SLC39A6: variants seen among roughly 807,000 people sequenced by gnomAD.
SLC39A6 encodes solute carrier family 39 member 6.
A neutral mutation model predicts 63.5 loss-of-function variants in SLC39A6; 51 were observed. That is an observed-to-expected ratio of 0.80 (90% CI 0.64 to 1.01). The LOEUF is 1.01. Ranked by LOEUF, SLC39A6 falls within the 50% of genes least tolerant of loss-of-function variation. The pLI, the probability that SLC39A6 is intolerant of heterozygous loss-of-function variation, is 0.00. For synonymous variants in SLC39A6, 318 were observed against 324.7 expected, an observed-to-expected ratio of 0.98 and a Z score of 0.22; for missense variants, 805 against 927.8, an observed-to-expected ratio of 0.87 and a Z score of 1.72.
At chr18:36,128,070 A>C (rs1217345864) in intron 1 of SLC39A6, among the ~76,000 whole-genome samples, 4 of 152,230 alleles carry the variant, frequency 2.6e-5, no homozygotes, top group Non-Finnish European at 5.9e-5. Flanking sequence ...TCAACATTTA[A>C]TCACAGGCTG....
At chr18:36,125,039 A>G (rs2089424850) in intron 2 of SLC39A6, among the ~76,000 whole-genome samples, 1 of 152,192 alleles carries the variant, frequency 6.6e-6, no homozygotes, top group Admixed American at 6.5e-5. Context: ...TAATTTCAAA[A>G]TGGGGCTCAT....
At chr18:36,122,435 C>G (rs945847708) in intron 4 of SLC39A6, among the ~76,000 whole-genome samples, 165 bp from the exon 5 acceptor site, 5 of 152,184 alleles carry the variant, frequency 3.3e-5, no homozygotes, top group African/African-American at 1.2e-4. Flanking sequence ...GACCAATGAG[C>G]AGCTAGCTAT....
chr18:36,126,156 T>C (rs888444935), intron 2 of SLC39A6, 63 bp downstream of exon 2: 18 of 1,406,298 alleles, frequency 1.3e-5, no homozygotes, highest in Middle Eastern at 1.8e-4. Context: ...TAACTAGAGA[T>C]AGAGTAGCAG....
In SLC39A6 at chr18:36,126,423, G is replaced by A. The variant is rs1304378451; in HGVS notation, c.585C>T (p.Val195=). 1 of 1,614,112 alleles carries A rather than the reference G, an allele frequency of 6.2e-7. No homozygotes were observed. The highest frequency in any genetic ancestry group is 2.2e-5 in the East Asian group (1 of 44,900). ...SEVTSTVYNT[V]SEGTHFLETI... Reference sequence around the variant, plus strand: ...TCTCTAGAAAGTGAGTTCCTTCAGAGACAGTGTTGTACACAGTTGAGGTCA... The same window carrying A: ...TCTCTAGAAAGTGAGTTCCTTCAGAAACAGTGTTGTACACAGTTGAGGTCA... The change falls in exon 2 of 10, where the codon GTC becomes GTT. Residue 195 remains valine, a synonymous_variant. Coordinates refer to ENST00000269187, the MANE Select transcript of SLC39A6 (RefSeq NM_012319.4).
intron 5 of SLC39A6, among the ~76,000 whole-genome samples, chr18:36,119,474 T>C (rs904892658): frequency 6.6e-6 from 1 of 152,176 alleles, no homozygotes; most frequent in Non-Finnish European, 1.5e-5. Flanking sequence ...TTCTAGTAGA[T>C]ACTATTTTAA....
chr18:36,126,724 T>C lies in SLC39A6; in HGVS notation c.284A>G (p.Asp95Gly). The change falls in exon 2 of 10, where the codon GAC becomes GGC. Residue 95 changes from aspartate (D) to glycine (G), a missense_variant. By Grantham distance (94) the Asp-to-Gly change is moderately conservative. Coordinates refer to ENST00000269187, the MANE Select transcript of SLC39A6 (RefSeq NM_012319.4). ...CTCGTGGTCTGAGTGATGGTCGTGG[T>C]CATGGTGTATATGGATTCTTTTAAT... Reference protein sequence around the residue: ...DKIKRIHIHHDHDHHSDHEHH... With the variant: ...DKIKRIHIHHGHDHHSDHEHH... 1 of 1,614,174 alleles carries C rather than the reference T, an allele frequency of 6.2e-7. No homozygotes were observed. The highest frequency in any genetic ancestry group is 1.3e-5 in the African/African-American group (1 of 75,074).
Position 36,114,473 on chromosome 18 carries a change from T to C in SLC39A6, c.1467A>G (p.Arg489=). The C allele has an allele frequency of 1.2e-6, 2 of 1,606,564 alleles. No homozygotes were observed. Among genetic ancestry groups the C allele is most frequent in the Non-Finnish European group, 1.7e-6 (2 of 1,177,584 alleles). ...TNEEKVDTDD[R]TEGYLRADSQ... ...AGTCTGCTCGTAAATAGCCTTCAGTTCCTAGGAATAAACATAAAGGGCATG... is the reference window on the plus strand; with the variant it reads ...AGTCTGCTCGTAAATAGCCTTCAGTCCCTAGGAATAAACATAAAGGGCATG... The change falls in exon 7 of 10, where the codon CGA becomes CGG. Residue 489 remains arginine, a splice_region_variant and synonymous_variant. Coordinates refer to ENST00000269187, the MANE Select transcript of SLC39A6 (RefSeq NM_012319.4).
intron 1 of SLC39A6, 124 bp downstream of exon 1, chr18:36,128,990 C>G (rs927613954): frequency 6.6e-6 from 1 of 152,586 alleles, no homozygotes; most frequent in South Asian, 2.1e-4. Flanking sequence ...CATCCTCTTT[C>G]TGTAGCCCCC....
In SLC39A6 at chr18:36,126,393, T is replaced by TA. The variant is rs1567961828; in HGVS notation, c.614dup (p.Glu206ArgfsTer33). 6.2e-7 allele frequency: 1 copy of TA among 1,614,106 alleles called. No individual in the cohort carries two copies. Among genetic ancestry groups the TA allele is most frequent in the South Asian group, 1.1e-5 (1 of 91,084 alleles). On this transcript the variant is annotated frameshift_variant, in exon 2 of 10. Transcript: ENST00000269187. LOFTEE classifies it high-confidence loss of function. Reference sequence around the variant, plus strand: ...AGAGTTTTCCAGGTCTTGGAGTCTCTATTGTCTCTAGAAAGTGAGTTCCTT... The same window carrying TA: ...AGAGTTTTCCAGGTCTTGGAGTCTCTAATTGTCTCTAGAAAGTGAGTTCCTT...
intron 5 of SLC39A6, among the ~76,000 whole-genome samples, chr18:36,117,296 AC>A (rs1170871727): frequency 1.3e-5 from 2 of 152,204 alleles, no homozygotes; most frequent in African/African-American, 4.8e-5. Context: ...TGATCTGGTA[AC>A]CACCTGCCTG....
chr18:36,127,073 GA>G, intron 1 of SLC39A6, 57 bp from the exon 2 acceptor site: 2 of 1,415,874 alleles, frequency 1.4e-6, no homozygotes, highest in South Asian at 2.8e-5. Flanking sequence ...ATTGAATTAA[GA>G]AACCTCATAC....
intron 4 of SLC39A6, among the ~76,000 whole-genome samples, chr18:36,122,839 G>A (rs950025639): frequency 8.5e-5 from 13 of 152,170 alleles, no homozygotes; most frequent in Non-Finnish European, 1.6e-4. Context: ...AGGTATTCCC[G>A]AATGTCTGCC....
chr18:36,120,673 G>GGTA (rs1339603434), intron 5 of SLC39A6, among the ~76,000 whole-genome samples: 1 of 152,060 alleles, frequency 6.6e-6, no homozygotes, highest in Admixed American at 6.5e-5. Flanking sequence ...TTTTTTGGGG[G>GGTA]GTAGAGACAG....
At chr18:36,123,897 C>T (rs1243975262) in intron 3 of SLC39A6, among the ~76,000 whole-genome samples, 3 of 152,046 alleles carry the variant, frequency 2.0e-5, no homozygotes, top group South Asian at 2.1e-4. Context: ...AGGAGCATAG[C>T]TCTAATGGGA....
At chr18:36,125,146 C>A (rs767806461) in intron 2 of SLC39A6, among the ~76,000 whole-genome samples, 3 of 152,096 alleles carry the variant, frequency 2.0e-5, no homozygotes, top group Non-Finnish European at 2.9e-5. Context: ...ACTCTACTTG[C>A]AAAAACTCAG....
chr18:36,122,465 A>T lies in SLC39A6; in HGVS notation c.1141-195T>A, dbSNP rs189211891. Among the ~76,000 whole-genome samples the T allele has an allele frequency of 3.0e-4, 46 of 152,358 alleles. 1 individual carries two copies. Among genetic ancestry groups the T allele is most frequent in the Admixed American group, 2.8e-3 (43 of 15,306 alleles). Reference sequence around the variant, plus strand: ...AGCTATCTAGAACTTAATGCATGTCATGTACTTCAGATACATTCCCAGTGA... The same window carrying T: ...AGCTATCTAGAACTTAATGCATGTCTTGTACTTCAGATACATTCCCAGTGA... On this transcript the variant is annotated intron_variant, in intron 4 of 9. Transcript: ENST00000269187.
intron 6 of SLC39A6, 69 bp downstream of exon 6, chr18:36,116,605 G>C: frequency 9.3e-7 from 1 of 1,071,650 alleles, no homozygotes. Context: ...CTTCCAGATA[G>C]TCAAGTTGCC....
chr18:36,109,334 A>G lies in SLC39A6; in HGVS notation c.*259T>C. ...CATTTTTCCCTGAAACATACAGAAC[A>G]TGTCATGCCAAATCTCTTGTTTACA... On this transcript the variant is annotated 3_prime_UTR_variant, in exon 10 of 10. Coordinates refer to ENST00000269187, the MANE Select transcript of SLC39A6 (RefSeq NM_012319.4). The G allele has an allele frequency of 3.7e-6, 1 of 272,356 alleles. No individual in the cohort carries two copies. The highest frequency in any genetic ancestry group is 6.9e-6 in the Non-Finnish European group (1 of 145,244). 16.9% of individuals were successfully genotyped at this position (272,356 alleles called of 1,614,324 possible).
At position 36,125,284 on chromosome 18, in the gene SLC39A6, A is replaced by G. The variant is rs527786500; in HGVS notation, c.790-584T>C. Reference sequence around the variant, plus strand: ...TACCGGCAGGCAGATGTTTTCAACTATTTAATTAGATGACAAACTTAGTTT... The same window carrying G: ...TACCGGCAGGCAGATGTTTTCAACTGTTTAATTAGATGACAAACTTAGTTT... On this transcript the variant is annotated intron_variant, in intron 2 of 9. Transcript: ENST00000269187. Among the ~76,000 whole-genome samples, 7 of 150,208 alleles carry G rather than the reference A, an allele frequency of 4.7e-5. 1 individual carries two copies. The East Asian group carries it at 1.4e-3, about 30-fold the overall frequency.
Sources: gnomAD v4.1 joint callset for allele counts (sites outside exome capture counted in the v4.1 genomes callset) on GRCh38, gnomAD v4.1.1 for gene constraint, MANE v1.5 for transcripts, NCBI Gene and HGNC (gene_info 2026-07-23, HGNC 2026-07-21) for gene names.